Variants in COL6A5 observed in about 807,000 individuals in gnomAD.
COL6A5 encodes collagen type VI alpha 5 chain.
Under a neutral mutation model 65.6 loss-of-function variants are expected in COL6A5, and 48 were observed. That is an observed-to-expected ratio of 0.73 (90% CI 0.58 to 0.93). COL6A5 has a LOEUF of 0.93. Among genes scored for constraint, COL6A5 ranks in the 40% least tolerant of loss-of-function variants. The probability of loss-of-function intolerance (pLI) is 0.00; values close to 1 mark genes in which losing one functional copy is unlikely to be tolerated. For missense variants in COL6A5, 914 were observed against 928.3 expected, an observed-to-expected ratio of 0.98 and a Z score of 0.20; for synonymous variants, 291 against 322.8, an observed-to-expected ratio of 0.90 and a Z score of 1.05.
At chr3:130,473,965 T>C (rs909444356) in intron 7 of COL6A5, among the ~76,000 whole-genome samples, 1 of 152,084 alleles carries the variant, frequency 6.6e-6, no homozygotes, top group African/African-American at 2.4e-5. Flanking sequence ...CCCACAATGA[T>C]GGTCTCAAGC....
At chr3:130,416,712 G>A (rs547478587) in intron 23 of COL6A5, 45 bp from the exon 24 acceptor site, 1 of 1,099,010 alleles carries the variant, frequency 9.1e-7, no homozygotes, top group East Asian at 2.6e-5. Context: ...GGCTTTCTAA[G>A]AATTACTACG....
chr3:130,473,691 C>T (rs1268916386), intron 7 of COL6A5, among the ~76,000 whole-genome samples: 4 of 151,998 alleles, frequency 2.6e-5, no homozygotes, highest in Admixed American at 6.6e-5. Flanking sequence ...GGCAGTCATG[C>T]CCCAAAAGCA....
At chr3:130,474,080 G>A (rs1710027978) in intron 7 of COL6A5, among the ~76,000 whole-genome samples, 1 of 152,074 alleles carries the variant, frequency 6.6e-6, no homozygotes, top group Non-Finnish European at 1.5e-5. Context: ...TTTATGGCCA[G>A]AGAAACTGGA....
chr3:130,416,253 A>G (rs1318497952), intron 23 of COL6A5, among the ~76,000 whole-genome samples: 1 of 152,136 alleles, frequency 6.6e-6, no homozygotes, highest in East Asian at 1.9e-4. Flanking sequence ...GAGAGTTCAC[A>G]AGGCAAGGGA....
At chr3:130,425,354 C>T (rs16827628) in intron 29 of COL6A5, among the ~76,000 whole-genome samples, 8,225 of 152,092 alleles carry the variant, frequency 0.054, 252 homozygotes, top group South Asian at 0.089. Flanking sequence ...GTTCTTATGC[C>T]GACATCCCTG....
exon 6 of COL6A5, chr3:130,388,819 A>G: frequency 6.4e-7 from 1 of 1,551,416 alleles, no homozygotes. Flanking sequence ...AATGTCTCTC[A>G]TCAATGAAGG....
exon 6 of COL6A5, chr3:130,469,276 C>T (rs200043336): frequency 2.1e-5 from 34 of 1,612,700 alleles, no homozygotes; most frequent in East Asian, 4.5e-5. Flanking sequence ...TAGACAAAGA[C>T]GTCTTAAGGA....
chr3:130,345,943 T>A (rs1316296440), exon 1 of COL6A5: 21 of 398,490 alleles, frequency 5.3e-5, no homozygotes, highest in Non-Finnish European at 9.3e-5. Context: ...GGGGGCGGTT[T>A]CCAGGGTCCG....
chr3:130,471,673 T>C lies in COL6A5; in HGVS notation c.2328+706T>C, dbSNP rs1470416700. On this transcript the variant is annotated intron_variant, in intron 7 of 7. Coordinates refer to ENST00000512836, the Ensembl canonical transcript of COL6A5. ...ACTAATTTTTTATCTCTCTTCTCTATTACCTCAGACTTCTTCCTGGGATAT... is the reference window on the plus strand; with the variant it reads ...ACTAATTTTTTATCTCTCTTCTCTACTACCTCAGACTTCTTCCTGGGATAT... 1 of 1,533,512 alleles carries C rather than the reference T, an allele frequency of 6.5e-7. No individual in the cohort carries two copies. Among genetic ancestry groups the C allele is most frequent in the South Asian group, 1.2e-5 (1 of 83,664 alleles). 95.0% of individuals were successfully genotyped at this position (1,533,512 alleles called of 1,614,324 possible).
intron 6 of COL6A5, 144 bp from the exon 7 acceptor site, chr3:130,391,035 C>T (rs1936378304): frequency 1.5e-6 from 1 of 654,310 alleles, no homozygotes; most frequent in Non-Finnish European, 2.7e-6. Context: ...TGTAAAATGG[C>T]AGCAGCCACC....
chr3:130,466,427 G>T (rs1709816109), intron 5 of COL6A5, among the ~76,000 whole-genome samples: 1 of 151,866 alleles, frequency 6.6e-6, no homozygotes, highest in Non-Finnish European at 1.5e-5. Flanking sequence ...TGAAATAAAA[G>T]AAAATAAAAT....
At position 130,379,339 on chromosome 3, in the gene COL6A5, G is replaced by A. The variant is rs755816502; in HGVS notation, c.668-79G>A. On this transcript the variant is annotated intron_variant and NMD_transcript_variant, in intron 3 of 41. Transcript: ENST00000312481. Reference sequence around the variant, plus strand: ...TGACTACCTCTATTCTAACTAATGTGCTTGATAATGTAAAAAGTACCTTTT... The same window carrying A: ...TGACTACCTCTATTCTAACTAATGTACTTGATAATGTAAAAAGTACCTTTT... 41 of 1,275,490 alleles carry A rather than the reference G, an allele frequency of 3.2e-5. No individual in the cohort carries two copies. The Middle Eastern group carries it at 2.7e-3, about 84-fold the overall frequency. 79.0% of individuals were successfully genotyped at this position (1,275,490 alleles called of 1,614,324 possible).
intron 7 of COL6A5, among the ~76,000 whole-genome samples, chr3:130,474,408 A>G (rs1458369398): frequency 1.3e-5 from 2 of 152,096 alleles, no homozygotes; most frequent in African/African-American, 4.8e-5. Context: ...GATACAATCC[A>G]AAATTATGGA....
In COL6A5 at chr3:130,438,104, T is replaced by C. The variant is rs56289247; in HGVS notation, c.488-1418T>C. Among the ~76,000 whole-genome samples, 987 of 152,230 alleles carry C rather than the reference T, an allele frequency of 6.5e-3. 10 individuals carry two copies. The highest frequency in any genetic ancestry group is 0.023 in the African/African-American group (947 of 41,548). On this transcript the variant is annotated intron_variant, in intron 1 of 7. Transcript: ENST00000512836. ...ACCTCGGCCTCCTGGTTCAAGCGAT[T>C]CTTCAGCCTCAGCCTCCTGAGTAGT...
intron 16 of COL6A5, 22 bp downstream of exon 16, chr3:130,406,197 A>G: frequency 6.5e-7 from 1 of 1,550,300 alleles, no homozygotes; most frequent in Non-Finnish European, 8.7e-7. Context: ...TTCTTCAAGT[A>G]TCATAAAACT....
chr3:130,432,672 C>G (rs896991915), intron 1 of COL6A5, among the ~76,000 whole-genome samples: 1 of 152,090 alleles, frequency 6.6e-6, no homozygotes, highest in African/African-American at 2.4e-5. Context: ...CATGAACATG[C>G]TGCCCTGCCA....
intron 2 of COL6A5, 147 bp downstream of exon 2, chr3:130,373,852 T>G: frequency 1.6e-6 from 1 of 613,646 alleles, no homozygotes; most frequent in East Asian, 2.9e-5. Flanking sequence ...CAAACTTAAC[T>G]TGTGAAAGAC....
intron 28 of COL6A5, among the ~76,000 whole-genome samples, chr3:130,423,014 A>G (rs1290734538): frequency 1.3e-5 from 2 of 152,114 alleles, no homozygotes; most frequent in African/African-American, 2.4e-5. Flanking sequence ...TCAATGAATC[A>G]GTACTATTTT....
chr3:130,446,957 T>A (rs1470359902), intron 4 of COL6A5, among the ~76,000 whole-genome samples: 1 of 151,394 alleles, frequency 6.6e-6, no homozygotes, highest in Non-Finnish European at 1.5e-5. Context: ...GAGTGGGGAG[T>A]AGTTAAATCA....
Sources: gnomAD v4.1 joint callset for allele counts (sites outside exome capture counted in the v4.1 genomes callset) on GRCh38, gnomAD v4.1.1 for gene constraint, MANE v1.5 for transcripts, NCBI Gene and HGNC (gene_info 2026-07-23, HGNC 2026-07-21) for gene names.